CD99: variants seen among roughly 807,000 people sequenced by gnomAD.
CD99 encodes CD99 antigen.
A neutral mutation model predicts 28.4 loss-of-function variants in CD99; 19 were observed. That is an observed-to-expected ratio of 0.67 (90% CI 0.47 to 0.98). The LOEUF (loss-of-function observed/expected upper bound fraction) is 0.98. Among genes scored for constraint, CD99 ranks in the 50% least tolerant of loss-of-function variants. The pLI is 0.00. For missense variants in CD99, 283 were observed against 248.8 expected (o/e 1.14, Z -0.92); for synonymous variants, 103 against 92.1 (o/e 1.12, Z -0.67).
At chrX:2,738,146 G>T in intron 8 of CD99, 54 bp from the exon 9 acceptor site, 2 of 1,499,322 alleles carry the variant, frequency 1.3e-6, no homozygotes. Flanking sequence ...GTATTTTGAG[G>T]AGTGGGTTAT....
Position 2,740,880 on chromosome X carries a change from A to G in CD99, c.*76A>G. The G allele has an allele frequency of 6.6e-7, 1 of 1,517,638 alleles. No individual in the cohort carries two copies. The allele number at this position is 1,517,638 out of a possible 1,614,324, so 94.0% of individuals were successfully genotyped here. A position where few individuals can be genotyped will look rare whatever the true frequency, so the allele number is the denominator to read the frequency against. On this transcript the variant is annotated 3_prime_UTR_variant, in exon 10 of 10. Coordinates refer to ENST00000381192, the MANE Select transcript of CD99 (RefSeq NM_002414.5). ...TGCCTGAGGCTCCTCCCTGAAGGAC[A>G]CCTGCCTGAGAGCAGAGATGGAGGC... is the stretch of plus-strand genomic sequence containing the variant.
intron 9 of CD99, among the ~76,000 whole-genome samples, chrX:2,739,003 G>A (rs28399150): frequency 0.011 from 1,618 of 151,894 alleles, 32 homozygotes; most frequent in African/African-American, 0.035. Context: ...GTGCACCACC[G>A]TGTCCGGCTG....
At chrX:2,696,365 G>A (rs900745653) in intron 1 of CD99, among the ~76,000 whole-genome samples, 25 of 152,132 alleles carry the variant, frequency 1.6e-4, no homozygotes, top group African/African-American at 6.0e-4. Context: ...GCTGCAGGCT[G>A]TCCAGGGCTT....
chrX:2,736,156 C>T (rs965458830), intron 8 of CD99, among the ~76,000 whole-genome samples: 7 of 149,500 alleles, frequency 4.7e-5, no homozygotes, highest in Admixed American at 1.3e-4. Context: ...GAGCCGAGAT[C>T]GCGCCACTGC....
intron 1 of CD99, among the ~76,000 whole-genome samples, chrX:2,703,605 A>AGTGTGTGTGTGTGTGT (rs556444956): frequency 3.2e-4 from 45 of 138,490 alleles, no homozygotes; most frequent in African/African-American, 1.1e-3. Context: ...CGAGCTGTTA[A>AGTGTGTGTGTGTGTGT]GTGTGTGTGT....
intron 8 of CD99, chrX:2,737,907 A>G (rs1212175391): frequency 1.7e-6 from 1 of 602,736 alleles, no homozygotes; most frequent in Admixed American, 2.7e-5. Context: ...CGTGTTCCTC[A>G]GTGTTTAGGG....
At chrX:2,716,693 C>T (rs1233290494) in intron 2 of CD99, among the ~76,000 whole-genome samples, 1 of 152,190 alleles carries the variant, frequency 6.6e-6, no homozygotes, top group Non-Finnish European at 1.5e-5. Flanking sequence ...TCCTGTGGTG[C>T]AGTGCAGATG....
intron 8 of CD99, chrX:2,733,513 T>A: frequency 1.2e-6 from 1 of 864,560 alleles, no homozygotes; most frequent in Non-Finnish European, 1.9e-6. Context: ...GATGGGATTC[T>A]CAATCACATG....
chrX:2,735,938 C>T (rs1398794224), intron 8 of CD99, among the ~76,000 whole-genome samples: 1 of 151,922 alleles, frequency 6.6e-6, no homozygotes, highest in Non-Finnish European at 1.5e-5. Context: ...CACGGTGGTT[C>T]ACACCTGTAA....
intron 1 of CD99, among the ~76,000 whole-genome samples, chrX:2,709,060 A>G (rs1335862693): frequency 2.0e-5 from 3 of 152,170 alleles, no homozygotes; most frequent in Admixed American, 1.3e-4. Context: ...GGCTATGACC[A>G]GGGAAGTCAT....
intron 1 of CD99, among the ~76,000 whole-genome samples, chrX:2,713,848 C>T (rs780813162): frequency 3.9e-5 from 6 of 152,268 alleles, no homozygotes; most frequent in Middle Eastern, 3.4e-3. Flanking sequence ...TTCTTCAGTG[C>T]GCCAGAGATG....
intron 1 of CD99, 114 bp downstream of exon 1, chrX:2,691,541 C>A: frequency 8.2e-7 from 1 of 1,212,566 alleles, no homozygotes; most frequent in Non-Finnish European, 1.2e-6. Context: ...GAGCCTCCTC[C>A]CTGCCCGGCA....
rs770033414 is a variant in CD99, at chrX:2,737,929, A to G, written c.476-271A>G. On this transcript the variant is annotated intron_variant, in intron 8 of 9. Transcript: ENST00000381192. The stretch of plus-strand genomic sequence containing the variant: ...CTCAGTGTTTAGGGAGAAGAAAGCA[A>G]CCCTTAAAATAGAGGAAAATGAAGC... 39 of 670,868 alleles carry G rather than the reference A, an allele frequency of 5.8e-5. No homozygotes were observed. In the African/African-American group the frequency reaches 5.9e-4, roughly 10 times the overall value. The allele number at this position is 670,868 out of a possible 1,614,324, so 41.6% of individuals were successfully genotyped here.
chrX:2,712,950 C>T (rs1470310673), intron 1 of CD99, among the ~76,000 whole-genome samples: 1 of 151,992 alleles, frequency 6.6e-6, no homozygotes, highest in African/African-American at 2.4e-5. Flanking sequence ...TGGAAACACA[C>T]CTGCACACTA....
At chrX:2,736,505 AT>A (rs2049948482) in intron 8 of CD99, among the ~76,000 whole-genome samples, 1 of 152,084 alleles carries the variant, frequency 6.6e-6, no homozygotes, top group African/African-American at 2.4e-5. Context: ...CACCGACAAC[AT>A]TTGGGGACTT....
At chrX:2,723,239 C>G in intron 6 of CD99, 75 bp from the exon 7 acceptor site, 1 of 1,453,312 alleles carries the variant, frequency 6.9e-7, no homozygotes, top group Non-Finnish European at 9.7e-7. Flanking sequence ...GGACCCCAGC[C>G]TCTTCACGGT....
chrX:2,735,874 A>G (rs1188525545), intron 8 of CD99, among the ~76,000 whole-genome samples: 3 of 152,144 alleles, frequency 2.0e-5, no homozygotes, highest in South Asian at 4.1e-4. Context: ...CACGTAGCGT[A>G]AACTGGCGAG....
chrX:2,724,897 C>CAAA (rs928597818), intron 7 of CD99, among the ~76,000 whole-genome samples: 9 of 120,194 alleles, frequency 7.5e-5, no homozygotes, highest in African/African-American at 2.8e-4. Flanking sequence ...GACTGCATTT[C>CAAA]AAAAAAAAAA....
intron 4 of CD99, 24 bp from the exon 5 acceptor site, chrX:2,720,332 G>T (rs769447618): frequency 6.2e-7 from 1 of 1,611,928 alleles, no homozygotes; most frequent in Non-Finnish European, 8.5e-7. Flanking sequence ...ACTTAAAATT[G>T]CAACTCTCAT....
Sources: gnomAD v4.1 joint callset for allele counts (sites outside exome capture counted in the v4.1 genomes callset) on GRCh38, gnomAD v4.1.1 for gene constraint, MANE v1.5 for transcripts, NCBI Gene and HGNC (gene_info 2026-07-23, HGNC 2026-07-21) for gene names.